The following PRKCE variants were observed in gnomAD, a reference collection of about 807,000 sequenced individuals.
The protein encoded by PRKCE is protein kinase C epsilon type.
A neutral mutation model predicts 85.4 loss-of-function variants in PRKCE; 16 were observed. That is an observed-to-expected ratio of 0.19 (90% CI 0.13 to 0.28). The LOEUF (loss-of-function observed/expected upper bound fraction) is 0.28, where lower values mean the gene tolerates loss of function less well. PRKCE is among the 10% of genes least tolerant of loss of function. The pLI, the probability that PRKCE is intolerant of heterozygous loss-of-function variation, is 1.00. For missense variants in PRKCE, 573 were observed against 975.2 expected, an observed-to-expected ratio of 0.59 and a Z score of 5.49; for synonymous variants, 388 against 371.5, an observed-to-expected ratio of 1.04 and a Z score of -0.51.
intron 12 of PRKCE, among the ~76,000 whole-genome samples, chr2:46,146,237 A>G (rs1370412010): frequency 6.6e-6 from 1 of 152,274 alleles, no homozygotes; most frequent in African/African-American, 2.4e-5. Context: ...AATCAAAATG[A>G]TCTTCATGGT....
At chr2:45,920,916 C>A (rs1036510054) in intron 2 of PRKCE, among the ~76,000 whole-genome samples, 11 of 152,256 alleles carry the variant, frequency 7.2e-5, no homozygotes, top group African/African-American at 2.4e-4. Flanking sequence ...AGAAAGTCAA[C>A]CAAATAATTG....
intron 1 of PRKCE, among the ~76,000 whole-genome samples, chr2:45,775,398 T>G (rs1038434367): frequency 6.6e-6 from 1 of 152,182 alleles, no homozygotes; most frequent in Non-Finnish European, 1.5e-5. Flanking sequence ...TCACAGCATT[T>G]GAGGCTCATG....
intron 2 of PRKCE, among the ~76,000 whole-genome samples, chr2:45,930,159 C>G (rs1036893079): frequency 6.6e-6 from 1 of 152,132 alleles, no homozygotes; most frequent in South Asian, 2.1e-4. Flanking sequence ...CTGTTCTGTG[C>G]GACACCCCAC....
chr2:46,172,231 T>C (rs544643034), intron 14 of PRKCE, among the ~76,000 whole-genome samples: 63 of 152,258 alleles, frequency 4.1e-4, no homozygotes, highest in African/African-American at 1.3e-3. Context: ...CCAGGCCCTC[T>C]TTCCCCCCAG....
At chr2:45,663,189 CA>C (rs1675756783) in intron 1 of PRKCE, among the ~76,000 whole-genome samples, 2 of 152,182 alleles carry the variant, frequency 1.3e-5, no homozygotes, top group East Asian at 3.9e-4. Flanking sequence ...GATATGTCCC[CA>C]AAATATTTCA....
At chr2:45,696,603 T>C (rs570725194) in intron 1 of PRKCE, among the ~76,000 whole-genome samples, 1 of 152,294 alleles carries the variant, frequency 6.6e-6, no homozygotes, top group South Asian at 2.1e-4. Context: ...TTTCACTGGG[T>C]TCGAAACAGG....
chr2:46,064,954 TC>T, intron 10 of PRKCE, among the ~76,000 whole-genome samples: 1 of 152,292 alleles, frequency 6.6e-6, no homozygotes, highest in Admixed American at 6.5e-5. Context: ...TAGATGTGGC[TC>T]CCCATTTTCA....
At chr2:45,922,466 A>G (rs1698320048) in intron 2 of PRKCE, among the ~76,000 whole-genome samples, 1 of 152,164 alleles carries the variant, frequency 6.6e-6, no homozygotes, top group Non-Finnish European at 1.5e-5. Flanking sequence ...CAGAGTTTCC[A>G]TGGAGGGGGT....
At chr2:46,055,686 G>A (rs757756902) in intron 10 of PRKCE, among the ~76,000 whole-genome samples, 2 of 151,822 alleles carry the variant, frequency 1.3e-5, no homozygotes, top group East Asian at 3.9e-4. Context: ...TTTGAGGAGG[G>A]TCTTGCTCTG....
intron 11 of PRKCE, among the ~76,000 whole-genome samples, chr2:46,121,106 T>C (rs1039868787): frequency 6.6e-6 from 1 of 152,232 alleles, no homozygotes; most frequent in Non-Finnish European, 1.5e-5. Flanking sequence ...TTGAGATAAA[T>C]TGTGTTTCAA....
Position 45,885,006 on chromosome 2 carries a change from T to TTGTTGA in PRKCE, c.412+41948_412+41949insATGTTG, listed in dbSNP as rs1345252618. On this transcript the variant is annotated intron_variant, in intron 2 of 14. Transcript: ENST00000306156. ...ATATATATATATATATATATATTTG[T>TTGTTGA]TGTTGTTGTTGTTGTTTTACCAAGA... 1.8e-5 allele frequency among the ~76,000 whole-genome samples: 2 copies of TTGTTGA among 110,614 alleles called. 1 individual carries two copies. Among genetic ancestry groups the TTGTTGA allele is most frequent in the Non-Finnish European group, 3.8e-5 (2 of 53,174 alleles). 72.6% of individuals were successfully genotyped at this position (110,614 alleles called of 152,430 possible).
chr2:45,783,833 A>G (rs1686383812), intron 1 of PRKCE, among the ~76,000 whole-genome samples: 2 of 152,182 alleles, frequency 1.3e-5, no homozygotes, highest in Admixed American at 6.5e-5. Context: ...GGACTTGTTG[A>G]ATCTGAATGT....
chr2:46,016,195 T>G (rs1244457407), intron 10 of PRKCE, among the ~76,000 whole-genome samples: 2 of 152,136 alleles, frequency 1.3e-5, no homozygotes, highest in Non-Finnish European at 2.9e-5. Flanking sequence ...TAACACATCT[T>G]TAGTGAGCAC....
At chr2:45,824,253 A>G (rs559001273) in intron 1 of PRKCE, among the ~76,000 whole-genome samples, 1 of 152,374 alleles carries the variant, frequency 6.6e-6, no homozygotes, top group African/African-American at 2.4e-5. Flanking sequence ...CATCTAAGGT[A>G]AACAGACAGC....
intron 1 of PRKCE, among the ~76,000 whole-genome samples, chr2:45,724,118 C>T (rs1680859469): frequency 6.6e-6 from 1 of 152,168 alleles, no homozygotes. Context: ...GTGCTTTTTA[C>T]AGATTGGAAG....
chr2:45,746,960 A>C (rs1035537819), intron 1 of PRKCE, among the ~76,000 whole-genome samples: 2 of 152,108 alleles, frequency 1.3e-5, no homozygotes, highest in African/African-American at 2.4e-5. Flanking sequence ...TTCAAGCCTC[A>C]GTCCCCGCCA....
At chr2:45,660,752 G>T (rs570845208) in intron 1 of PRKCE, among the ~76,000 whole-genome samples, 33 of 152,264 alleles carry the variant, frequency 2.2e-4, no homozygotes, top group African/African-American at 7.9e-4. Context: ...GTATATATGG[G>T]CTTGTTAGTA....
chr2:45,910,136 A>G (rs966267671), intron 2 of PRKCE, among the ~76,000 whole-genome samples: 2 of 152,124 alleles, frequency 1.3e-5, no homozygotes, highest in Non-Finnish European at 2.9e-5. Context: ...CCTAATAACA[A>G]TGACGTGTAG....
chr2:46,122,293 G>T (rs1244951672), intron 11 of PRKCE, among the ~76,000 whole-genome samples: 3 of 152,046 alleles, frequency 2.0e-5, no homozygotes, highest in Admixed American at 1.3e-4. Flanking sequence ...GTGCAGTGGC[G>T]TGATCTTGGC....
Sources: gnomAD v4.1 joint callset for allele counts (sites outside exome capture counted in the v4.1 genomes callset) on GRCh38, gnomAD v4.1.1 for gene constraint, MANE v1.5 for transcripts, NCBI Gene and HGNC (gene_info 2026-07-23, HGNC 2026-07-21) for gene names.